The following PDE1C variants were observed in gnomAD, a reference collection of about 807,000 sequenced individuals.
The protein encoded by PDE1C is phosphodiesterase 1C.
Under a neutral mutation model 93.1 loss-of-function variants are expected in PDE1C, and 62 were observed. That is an observed-to-expected ratio of 0.67 (90% CI 0.54 to 0.82). The LOEUF (loss-of-function observed/expected upper bound fraction) is 0.82. Ranked by LOEUF, PDE1C falls within the 40% of genes least tolerant of loss-of-function variation. The probability of loss-of-function intolerance (pLI) is 0.00; values close to 1 mark genes in which losing one functional copy is unlikely to be tolerated. For missense variants in PDE1C, 742 were observed against 884.6 expected (o/e 0.84, Z 2.04); for synonymous variants, 325 against 310.1 (o/e 1.05, Z -0.50).
At chr7:31,674,618 C>T in the PDE1C span, among the ~76,000 whole-genome samples, 1 of 152,140 alleles carries the variant, frequency 6.6e-6, no homozygotes, top group Non-Finnish European at 1.5e-5. Context: ...AATAGACCCA[C>T]ACGTATGCAG....
chr7:31,740,604 G>A, the PDE1C span, among the ~76,000 whole-genome samples: 4 of 152,158 alleles, frequency 2.6e-5, no homozygotes, highest in African/African-American at 9.7e-5. Flanking sequence ...AGAGTTCAAA[G>A]ATTTAAGGAA....
At chr7:32,409,650 A>G (rs1365123808) in intron 1 of PDE1C, among the ~76,000 whole-genome samples, 1 of 152,120 alleles carries the variant, frequency 6.6e-6, no homozygotes, top group Non-Finnish European at 1.5e-5. Context: ...ATCTAAGGAG[A>G]AAAGTCATAC....
At position 32,267,586 on chromosome 7, in the gene PDE1C, ACT is replaced by A. The variant is rs57210713; in HGVS notation, c.85+31063_85+31064del. ...TTCTCTCTCTCTCACACACACACAC[ACT>A]CTCTCTCTCTCTCTCTCTCTCTCTC... On this transcript the variant is annotated intron_variant, in intron 1 of 18. Transcript: ENST00000396193. Among the ~76,000 whole-genome samples, 211 of 117,572 alleles carry A rather than the reference ACT, an allele frequency of 1.8e-3. 1 individual carries two copies. The highest frequency in any genetic ancestry group is 3.2e-3 in the Admixed American group (34 of 10,766). The allele number at this position is 117,572 out of a possible 152,430, so 77.1% of individuals were successfully genotyped here.
chr7:31,966,318 G>C (rs1809954078), intron 2 of PDE1C, among the ~76,000 whole-genome samples: 1 of 152,136 alleles, frequency 6.6e-6, no homozygotes, highest in South Asian at 2.1e-4. Flanking sequence ...CCTAGTCTCA[G>C]ATAAAACAGA....
chr7:32,134,835 T>A (rs1389171157), intron 3 of PDE1C, among the ~76,000 whole-genome samples: 1 of 152,120 alleles, frequency 6.6e-6, no homozygotes, highest in Non-Finnish European at 1.5e-5. Context: ...AGATGATTGA[T>A]TGATGGGTGC....
intron 3 of PDE1C, among the ~76,000 whole-genome samples, chr7:32,107,846 G>A (rs1359199769): frequency 2.0e-5 from 3 of 152,040 alleles, no homozygotes; most frequent in South Asian, 2.1e-4. Context: ...AGTGAAATCA[G>A]TAACAGCAAT....
chr7:31,709,785 A>G, the PDE1C span, among the ~76,000 whole-genome samples: 1 of 152,192 alleles, frequency 6.6e-6, no homozygotes, highest in Non-Finnish European at 1.5e-5. Flanking sequence ...CATGATTAGC[A>G]TTATATTTCA....
chr7:31,780,794 CG>C (rs1562778299), intron 16 of PDE1C, among the ~76,000 whole-genome samples: 1 of 128,228 alleles, frequency 7.8e-6, no homozygotes, highest in Non-Finnish European at 1.7e-5. Context: ...TGTGTGTGCA[CG>C]TGTGCATTTG....
At chr7:31,857,630 G>C (rs1043496183) in intron 7 of PDE1C, among the ~76,000 whole-genome samples, 2 of 151,910 alleles carry the variant, frequency 1.3e-5, no homozygotes, top group East Asian at 3.9e-4. Context: ...AGTCTCTCTG[G>C]ACAGACCACA....
intron 16 of PDE1C, among the ~76,000 whole-genome samples, chr7:31,805,642 C>G (rs924344006): frequency 4.0e-5 from 6 of 149,240 alleles, no homozygotes; most frequent in African/African-American, 1.5e-4. Context: ...AGTGAAACTG[C>G]TAGTAAGGGA....
At chr7:32,217,416 T>C (rs1806512918) in intron 1 of PDE1C, among the ~76,000 whole-genome samples, 1 of 152,200 alleles carries the variant, frequency 6.6e-6, no homozygotes, top group Non-Finnish European at 1.5e-5. Context: ...ATCTGTTTAA[T>C]TGTTGCGTGA....
At chr7:32,358,666 C>T (rs781618689) in intron 1 of PDE1C, among the ~76,000 whole-genome samples, 2 of 152,130 alleles carry the variant, frequency 1.3e-5, no homozygotes, top group African/African-American at 4.8e-5. Context: ...CTACTGGGTG[C>T]AGGGAGTGTT....
At chr7:31,892,981 C>T (rs1289769035) in intron 2 of PDE1C, among the ~76,000 whole-genome samples, 1 of 152,124 alleles carries the variant, frequency 6.6e-6, no homozygotes, top group Non-Finnish European at 1.5e-5. Context: ...GATTTAATCA[C>T]TCCACAATCT....
chr7:32,006,080 T>C (rs918043898), intron 2 of PDE1C, among the ~76,000 whole-genome samples: 2 of 152,236 alleles, frequency 1.3e-5, no homozygotes, highest in Non-Finnish European at 2.9e-5. Context: ...ATTGTTCCTT[T>C]CTTGGTTCCA....
chr7:31,938,176 A>C (rs1180861081), intron 2 of PDE1C, among the ~76,000 whole-genome samples: 1 of 151,790 alleles, frequency 6.6e-6, no homozygotes, highest in Non-Finnish European at 1.5e-5. Flanking sequence ...ATTGCAAGCA[A>C]TTTGGGGATT....
At chr7:32,330,730 G>A (rs1275687529) in intron 1 of PDE1C, among the ~76,000 whole-genome samples, 18 of 152,202 alleles carry the variant, frequency 1.2e-4, no homozygotes, top group African/African-American at 4.3e-4. Flanking sequence ...CAGTTCCAGA[G>A]AGAGAGGTCA....
At chr7:32,025,521 C>T (rs940412331) in intron 2 of PDE1C, among the ~76,000 whole-genome samples, 12 of 151,166 alleles carry the variant, frequency 7.9e-5, no homozygotes, top group East Asian at 1.9e-4. Context: ...GGCTGGTTGA[C>T]GTTTCCAAGA....
intron 1 of PDE1C, among the ~76,000 whole-genome samples, chr7:32,262,400 C>T (rs28580292): frequency 0.041 from 6,295 of 152,184 alleles, 476 homozygotes; most frequent in African/African-American, 0.14. Context: ...AGAAAGGAGA[C>T]GTAGCCCCCA....
chr7:32,329,284 C>T (rs982062901), intron 1 of PDE1C, among the ~76,000 whole-genome samples: 4 of 152,106 alleles, frequency 2.6e-5, no homozygotes, highest in Non-Finnish European at 5.9e-5. Context: ...AGCTCTTTCA[C>T]ACTGAGGAAA....
Sources: gnomAD v4.1 joint callset for allele counts (sites outside exome capture counted in the v4.1 genomes callset) on GRCh38, gnomAD v4.1.1 for gene constraint, MANE v1.5 for transcripts, NCBI Gene and HGNC (gene_info 2026-07-23, HGNC 2026-07-21) for gene names.